KCNMA1: variants seen among roughly 807,000 people sequenced by gnomAD.
The protein encoded by KCNMA1 is Calcium-activated potassium channel subunit alpha-1.
In KCNMA1, 29 loss-of-function variants were observed where a neutral mutation model predicts 140.0. The ratio of observed to expected loss-of-function variants is 0.21; its 90% CI spans 0.15 to 0.28. The LOEUF is 0.28. KCNMA1 is among the 10% of genes least tolerant of loss of function. The pLI, the probability that KCNMA1 is intolerant of heterozygous loss-of-function variation, is 1.00. For missense variants in KCNMA1, 880 were observed against 1,602.2 expected (o/e 0.55, Z 7.70); for synonymous variants, 612 against 611.9 (o/e 1.00, Z 0.00).
chr10:77,487,249 G>A (rs1035372368), intron 1 of KCNMA1, among the ~76,000 whole-genome samples: 6 of 152,098 alleles, frequency 3.9e-5, no homozygotes, highest in Admixed American at 1.3e-4. Flanking sequence ...CTTTTCTGTA[G>A]GTAATACATT....
At chr10:77,364,069 A>G (rs1355194165) in intron 2 of KCNMA1, among the ~76,000 whole-genome samples, 2 of 152,156 alleles carry the variant, frequency 1.3e-5, no homozygotes, top group Non-Finnish European at 2.9e-5. Flanking sequence ...AAATGTGTCC[A>G]TTTATTCAGT....
intron 20 of KCNMA1, among the ~76,000 whole-genome samples, chr10:76,961,951 C>G (rs2071666436): frequency 6.6e-6 from 1 of 152,224 alleles, no homozygotes; most frequent in African/African-American, 2.4e-5. Context: ...TGCAATATCT[C>G]TGAGGTGTGC....
intron 5 of KCNMA1, among the ~76,000 whole-genome samples, chr10:77,175,112 G>T (rs1336664203): frequency 6.6e-6 from 1 of 152,082 alleles, no homozygotes; most frequent in Non-Finnish European, 1.5e-5. Flanking sequence ...TCTGATCCCT[G>T]GGTCTCGGTT....
intron 24 of KCNMA1, 130 bp from the exon 25 acceptor site, chr10:76,910,226 T>C (rs2049559883): frequency 1.0e-6 from 1 of 1,004,200 alleles, no homozygotes; most frequent in Non-Finnish European, 1.5e-6. Flanking sequence ...GAATAAGCTG[T>C]AGATGGATCT....
intron 2 of KCNMA1, among the ~76,000 whole-genome samples, chr10:77,327,461 C>A (rs1182358568): frequency 6.6e-6 from 1 of 152,070 alleles, no homozygotes; most frequent in East Asian, 1.9e-4. Flanking sequence ...TCAAGCGATT[C>A]TCCTACCTCA....
intron 1 of KCNMA1, among the ~76,000 whole-genome samples, chr10:77,524,924 G>C (rs76151723): frequency 1.3e-5 from 2 of 152,150 alleles, no homozygotes; most frequent in South Asian, 4.1e-4. Context: ...TCACCTGCAC[G>C]GATATGATCC....
intron 1 of KCNMA1, among the ~76,000 whole-genome samples, chr10:77,488,682 A>G (rs4979885): frequency 0.047 from 7,078 of 152,172 alleles, 570 homozygotes; most frequent in African/African-American, 0.16. Context: ...CCCAGAGCCC[A>G]GGGGTGACGA....
intron 14 of KCNMA1, among the ~76,000 whole-genome samples, chr10:77,052,991 A>G (rs1221645633): frequency 6.6e-6 from 1 of 152,208 alleles, no homozygotes; most frequent in Admixed American, 6.5e-5. Flanking sequence ...TCCTGAGAAG[A>G]GTTCTGGGAA....
At chr10:76,919,575 C>T (rs533010095) in intron 23 of KCNMA1, among the ~76,000 whole-genome samples, 1 of 152,194 alleles carries the variant, frequency 6.6e-6, no homozygotes, top group East Asian at 1.9e-4. Flanking sequence ...ATGCCCAGCA[C>T]ATAGAAAAGA....
intron 1 of KCNMA1, among the ~76,000 whole-genome samples, chr10:77,481,495 C>A (rs2154531724): frequency 6.6e-6 from 1 of 151,584 alleles, no homozygotes; most frequent in South Asian, 2.1e-4. Flanking sequence ...AGGTGCCTGG[C>A]CAGGCACGAT....
downstream of KCNMA1, among the ~76,000 whole-genome samples, chr10:76,879,973 T>C (rs2033950568): frequency 6.6e-6 from 1 of 152,178 alleles, no homozygotes; most frequent in South Asian, 2.1e-4. Flanking sequence ...GTGCTCAGGT[T>C]GCCTGAGCTG....
intron 1 of KCNMA1, among the ~76,000 whole-genome samples, chr10:77,436,344 T>G (rs2097262565): frequency 6.6e-6 from 1 of 152,256 alleles, no homozygotes; most frequent in African/African-American, 2.4e-5. Flanking sequence ...AGTTGACTAT[T>G]TATATTACAA....
chr10:77,002,488 A>G (rs1247281409), intron 18 of KCNMA1, among the ~76,000 whole-genome samples: 1 of 152,258 alleles, frequency 6.6e-6, no homozygotes, highest in African/African-American at 2.4e-5. Flanking sequence ...TTCCTTATAC[A>G]GAAAATATTC....
At chr10:77,210,593 G>T (rs184180043) in intron 3 of KCNMA1, among the ~76,000 whole-genome samples, 8 of 152,176 alleles carry the variant, frequency 5.3e-5, no homozygotes, top group Admixed American at 2.6e-4. Flanking sequence ...GAAAGAAAAG[G>T]CAACCAAATA....
At chr10:77,046,537 T>C (rs2095066232) in intron 14 of KCNMA1, among the ~76,000 whole-genome samples, 1 of 152,200 alleles carries the variant, frequency 6.6e-6, no homozygotes, top group African/African-American at 2.4e-5. Context: ...GCATGCTCTG[T>C]CAAGGGGAAA....
chr10:77,504,320 G>C (rs190941521), intron 1 of KCNMA1, among the ~76,000 whole-genome samples: 12 of 152,274 alleles, frequency 7.9e-5, no homozygotes, highest in Non-Finnish European at 1.6e-4. Context: ...TTGGAACCCA[G>C]TTCTGTTTCA....
chr10:77,098,468 G>A (rs774842563), intron 9 of KCNMA1, among the ~76,000 whole-genome samples: 5 of 151,864 alleles, frequency 3.3e-5, no homozygotes, highest in Admixed American at 2.0e-4. Flanking sequence ...GACTACTCCC[G>A]AGTTTCCACT....
rs71028280 is a variant in KCNMA1 at position 77,499,403 on chromosome 10, G to GTATATATATATATATA, written c.379-95396_379-95381dup. Among the ~76,000 whole-genome samples, 632 of 142,400 alleles carry GTATATATATATATATA rather than the reference G, an allele frequency of 4.4e-3. 3 individuals are homozygous for GTATATATATATATATA. The highest frequency in any genetic ancestry group is 0.011 in the African/African-American group (418 of 38,026). The allele number at this position is 142,400 out of a possible 152,430, so 93.4% of individuals were successfully genotyped here. ...GAAAGTCAAAATGCTCAGTAGGCAT[G>GTATATATATATATATA]TATATATATATATATATATACACAC... is the stretch of plus-strand genomic sequence containing the variant. On this transcript the variant is annotated intron_variant, in intron 1 of 27. Transcript: ENST00000286628.
At chr10:77,523,265 A>G (rs926958094) in intron 1 of KCNMA1, among the ~76,000 whole-genome samples, 1 of 148,808 alleles carries the variant, frequency 6.7e-6, no homozygotes, top group Non-Finnish European at 1.5e-5. Flanking sequence ...ATAGTTATAA[A>G]TTATTAACAT....
Sources: allele counts gnomAD v4.1 joint callset (sites outside exome capture counted in the v4.1 genomes callset), GRCh38; gene constraint gnomAD v4.1.1; transcripts MANE v1.5; gene names NCBI Gene and HGNC (gene_info 2026-07-23, HGNC 2026-07-21).